Variants in EPHA6 observed in about 807,000 individuals in gnomAD.
EPHA6 encodes ephrin type-A receptor 6.
Under a neutral mutation model 112.0 loss-of-function variants are expected in EPHA6, and 50 were observed. That is an observed-to-expected ratio of 0.45 (90% CI 0.36 to 0.56). The LOEUF (loss-of-function observed/expected upper bound fraction) is 0.56, where lower values mean the gene tolerates loss of function less well. Ranked by LOEUF, EPHA6 falls within the 20% of genes least tolerant of loss-of-function variation. EPHA6 has a pLI of 0.00. For synonymous variants in EPHA6, 529 were observed against 490.7 expected (o/e 1.08, Z -1.03); for missense variants, 1,280 against 1,417.4 (o/e 0.90, Z 1.56).
chr3:96,830,078 C>T (rs908639296), intron 1 of EPHA6, among the ~76,000 whole-genome samples: 2 of 151,670 alleles, frequency 1.3e-5, no homozygotes, highest in Non-Finnish European at 2.9e-5. Context: ...CATTTTAGTG[C>T]TATAATGAAA....
rs183260887 is a variant in EPHA6, at chr3:97,749,465, G to A, written c.*764G>A. 8.6e-5 allele frequency among the ~76,000 whole-genome samples: 13 copies of A among 151,962 alleles called. No homozygotes were observed. The highest frequency in any genetic ancestry group is 1.9e-4 in the East Asian group (1 of 5,172). ...ATTTATTTATTTATTTTTACTAACC[G>A]TAGTATATTTCTCTACTACCTTATG... On this transcript the variant is annotated 3_prime_UTR_variant, in exon 18 of 18. Coordinates refer to ENST00000389672, the MANE Select transcript of EPHA6 (RefSeq NM_001080448.3).
chr3:97,099,969 G>A (rs938017835), intron 3 of EPHA6, among the ~76,000 whole-genome samples: 7 of 151,892 alleles, frequency 4.6e-5, no homozygotes, highest in African/African-American at 1.2e-4. Context: ...ATTGGAAGTT[G>A]GAGAAAATTA....
intron 3 of EPHA6, among the ~76,000 whole-genome samples, chr3:97,128,322 C>T (rs1219047601): frequency 3.3e-5 from 5 of 152,136 alleles, no homozygotes; most frequent in African/African-American, 1.2e-4. Flanking sequence ...AACATGCATG[C>T]CAGTGTCTTT....
chr3:97,649,697 G>A (rs768520854), intron 14 of EPHA6, among the ~76,000 whole-genome samples: 1 of 151,524 alleles, frequency 6.6e-6, no homozygotes. Flanking sequence ...AATCCAAGCT[G>A]GATAAACCAA....
intron 11 of EPHA6, among the ~76,000 whole-genome samples, chr3:97,551,250 A>G (rs1442378285): frequency 6.6e-6 from 1 of 152,156 alleles, no homozygotes; most frequent in African/African-American, 2.4e-5. Context: ...ATGGCATTCA[A>G]TCCTAGTTGT....
chr3:97,338,253 G>C (rs1484057558), intron 5 of EPHA6, among the ~76,000 whole-genome samples: 1 of 152,038 alleles, frequency 6.6e-6, no homozygotes, highest in African/African-American at 2.4e-5. Context: ...CTGGGTCATA[G>C]TCACAGTAGG....
intron 5 of EPHA6, among the ~76,000 whole-genome samples, chr3:97,386,511 C>T (rs1473067446): frequency 1.3e-5 from 2 of 152,184 alleles, no homozygotes; most frequent in Non-Finnish European, 2.9e-5. Flanking sequence ...ACATCCAGGG[C>T]ACACTGATGC....
chr3:97,043,862 A>AC (rs1181689743), intron 3 of EPHA6, among the ~76,000 whole-genome samples: 5 of 152,004 alleles, frequency 3.3e-5, no homozygotes, highest in African/African-American at 9.7e-5. Context: ...CAAGTGATTG[A>AC]CCCCCAGGGC....
chr3:96,841,291 C>T (rs1471420119), intron 1 of EPHA6, among the ~76,000 whole-genome samples: 1 of 152,066 alleles, frequency 6.6e-6, no homozygotes, highest in African/African-American at 2.4e-5. Flanking sequence ...TATCTCAGTG[C>T]ATTAGAGGGG....
At chr3:97,372,605 G>T (rs192590698) in intron 5 of EPHA6, among the ~76,000 whole-genome samples, 39 of 152,190 alleles carry the variant, frequency 2.6e-4, no homozygotes, top group African/African-American at 8.9e-4. Context: ...ATATTATACA[G>T]CAGTTAAAAT....
At chr3:96,844,527 T>C (rs2034953921) in intron 1 of EPHA6, among the ~76,000 whole-genome samples, 2 of 152,040 alleles carry the variant, frequency 1.3e-5, no homozygotes, top group Admixed American at 1.3e-4. Context: ...TCTTTTGTCT[T>C]ATAGAGATGT....
chr3:97,365,778 C>G (rs1196650616), intron 5 of EPHA6, among the ~76,000 whole-genome samples: 1 of 152,094 alleles, frequency 6.6e-6, no homozygotes, highest in East Asian at 1.9e-4. Context: ...TAAACAATTC[C>G]TGACTGAATT....
chr3:97,195,816 C>T (rs990173424), intron 3 of EPHA6, among the ~76,000 whole-genome samples: 1 of 152,048 alleles, frequency 6.6e-6, no homozygotes, highest in African/African-American at 2.4e-5. Context: ...GGCAGTCTCT[C>T]TTGGCCTGTA....
chr3:97,136,673 G>A (rs1000162335), intron 3 of EPHA6, among the ~76,000 whole-genome samples: 1 of 152,152 alleles, frequency 6.6e-6, no homozygotes, highest in African/African-American at 2.4e-5. Context: ...AGGCTACAGT[G>A]AGCCATGATT....
At chr3:97,399,346 A>G (rs1258839238) in intron 5 of EPHA6, among the ~76,000 whole-genome samples, 1 of 151,556 alleles carries the variant, frequency 6.6e-6, no homozygotes. Flanking sequence ...TCATCTGTTG[A>G]TGGATACTTT....
intron 14 of EPHA6, among the ~76,000 whole-genome samples, chr3:97,638,764 G>A (rs144082336): frequency 1.1e-4 from 17 of 152,190 alleles, no homozygotes; most frequent in African/African-American, 4.1e-4. Flanking sequence ...CAAAGTCTCT[G>A]TTGTGCTATC....
intron 2 of EPHA6, among the ~76,000 whole-genome samples, chr3:96,938,200 G>A (rs564771227): frequency 6.6e-5 from 10 of 152,234 alleles, no homozygotes; most frequent in African/African-American, 1.2e-4. Flanking sequence ...ACCTTGGGCA[G>A]TATGGCCATT....
At chr3:97,716,543 C>T (rs1459736469) in intron 14 of EPHA6, among the ~76,000 whole-genome samples, 1 of 121,258 alleles carries the variant, frequency 8.2e-6, no homozygotes, top group Non-Finnish European at 1.5e-5. Context: ...AGTCCGCAGT[C>T]CGGCCCGGGC....
chr3:97,345,374 A>G (rs2083485682), intron 5 of EPHA6, among the ~76,000 whole-genome samples: 2 of 152,190 alleles, frequency 1.3e-5, no homozygotes, highest in Admixed American at 1.3e-4. Flanking sequence ...CTCCATGCTG[A>G]TATGAGGTAC....
Sources: allele counts gnomAD v4.1 joint callset (sites outside exome capture counted in the v4.1 genomes callset), GRCh38; gene constraint gnomAD v4.1.1; transcripts MANE v1.5; gene names NCBI Gene and HGNC (gene_info 2026-07-23, HGNC 2026-07-21).